The following CREBRF variants were observed in gnomAD, a reference collection of about 807,000 sequenced individuals.
CREBRF encodes UPF0474 protein C5orf41.
In CREBRF, 5 loss-of-function variants were observed where a neutral mutation model predicts 66.1. The ratio of observed to expected loss-of-function variants is 0.08; its 90% CI spans 0.04 to 0.16. The LOEUF (loss-of-function observed/expected upper bound fraction) is 0.16. Ranked by LOEUF, CREBRF falls within the 10% of genes least tolerant of loss-of-function variation. CREBRF has a pLI of 1.00. For synonymous variants in CREBRF, 229 were observed against 264.4 expected, an observed-to-expected ratio of 0.87 and a Z score of 1.30; for missense variants, 531 against 744.9, an observed-to-expected ratio of 0.71 and a Z score of 3.34.
intron 1 of CREBRF, among the ~76,000 whole-genome samples, chr5:173,079,527 A>G (rs1014943922): frequency 2.6e-5 from 4 of 152,130 alleles, no homozygotes; most frequent in Non-Finnish European, 5.9e-5. Flanking sequence ...TAGCCCAGAC[A>G]ATGTGCTGAC....
In CREBRF at chr5:173,123,209, A is replaced by C. The variant is rs1252247810; in HGVS notation, c.1804+7A>C. On this transcript the variant is annotated splice_region_variant and intron_variant, in intron 8 of 8. Transcript: ENST00000296953. ...CTCATTAAAGATACTCTCGGTAAGA[A>C]GAATGCGAGATAAATTCATAACAAT... 1.3e-6 allele frequency: 2 copies of C among 1,594,516 alleles called. No homozygotes were observed. Among genetic ancestry groups the C allele is most frequent in the Non-Finnish European group, 1.7e-6 (2 of 1,174,888 alleles).
At chr5:173,060,197 T>G (rs777349170) in intron 1 of CREBRF, 20 of 151,134 alleles carry the variant, frequency 1.3e-4, no homozygotes, top group Non-Finnish European at 2.4e-4. Flanking sequence ...GATCGGCATC[T>G]ATATATTTAT....
rs147330284 is a variant in CREBRF, at chr5:173,080,825, A to G, written c.9+41A>G. On this transcript the variant is annotated intron_variant, in intron 2 of 8. Transcript: ENST00000296953. ...TAGGTGCAAAGTTTTTTATTTTCCC[A>G]CTACAGAAAGTCAATACCTTTGACT... 1.1e-4 allele frequency: 170 copies of G among 1,601,844 alleles called. 1 individual carries two copies. The highest frequency in any genetic ancestry group is 6.8e-5 in the Non-Finnish European group (80 of 1,170,512).
chr5:173,123,881 G>A (rs1326698437), intron 8 of CREBRF: 1 of 152,094 alleles, frequency 6.6e-6, no homozygotes, highest in Admixed American at 6.5e-5. Flanking sequence ...GACCCTAATC[G>A]CCAGTATTTT....
intron 2 of CREBRF, chr5:173,085,253 T>G (rs1758110051): frequency 9.9e-6 from 5 of 505,350 alleles, no homozygotes; most frequent in Admixed American, 7.3e-5. Flanking sequence ...TGAATTTTAA[T>G]TTTTAATCTT....
chr5:173,122,335 A>T (rs943294861), intron 7 of CREBRF, among the ~76,000 whole-genome samples: 1 of 152,146 alleles, frequency 6.6e-6, no homozygotes, highest in Admixed American at 6.5e-5. Flanking sequence ...TCCTGACCTC[A>T]TGCAGTCCAC....
Position 173,138,272 on chromosome 5 carries a change from A to G in CREBRF, c.*4527A>G, listed in dbSNP as rs1334747085. On this transcript the variant is annotated 3_prime_UTR_variant, in exon 9 of 9. Transcript: ENST00000296953. ...CATTGGGATGTAACAATGAATGTCAACTGTAGGAATGGTGGTTTCGTTTTA... is the reference window on the plus strand; with the variant it reads ...CATTGGGATGTAACAATGAATGTCAGCTGTAGGAATGGTGGTTTCGTTTTA... 6.6e-6 allele frequency: 1 copy of G among 152,196 alleles called. No individual in the cohort carries two copies. The allele number at this position is 152,196 out of a possible 1,614,324, so 9.4% of individuals were successfully genotyped here. A position where few individuals can be genotyped will look rare whatever the true frequency, so the allele number is the denominator to read the frequency against.
At position 173,098,273 on chromosome 5, in the gene CREBRF, C is replaced by T. The variant is rs140728842; in HGVS notation, c.1222+6872C>T. ...CGCAATCTCTGCTCACTGCAAGCTC[C>T]GCCTCCCGGGTTCAGCCATTCTCCT... On this transcript the variant is annotated intron_variant, in intron 4 of 8. Coordinates refer to ENST00000296953, the MANE Select transcript of CREBRF (RefSeq NM_153607.3). Among the ~76,000 whole-genome samples, 39 of 151,848 alleles carry T rather than the reference C, an allele frequency of 2.6e-4. 1 individual carries two copies. The East Asian group carries it at 7.2e-3, about 28-fold the overall frequency.
At chr5:173,084,577 A>G (rs1400268132) in intron 2 of CREBRF, among the ~76,000 whole-genome samples, 3 of 152,228 alleles carry the variant, frequency 2.0e-5, no homozygotes, top group Admixed American at 2.0e-4. Context: ...TGTCCCACAC[A>G]AGTGCATGTG....
At chr5:173,125,596 G>A (rs1759250506) in intron 8 of CREBRF, among the ~76,000 whole-genome samples, 2 of 152,190 alleles carry the variant, frequency 1.3e-5, no homozygotes, top group Non-Finnish European at 2.9e-5. Flanking sequence ...CGGGCACGGT[G>A]GCTCACGCCT....
At chr5:173,099,858 T>C (rs915016668) in intron 4 of CREBRF, among the ~76,000 whole-genome samples, 2 of 151,660 alleles carry the variant, frequency 1.3e-5, no homozygotes, top group African/African-American at 2.4e-5. Flanking sequence ...TCTTTTCATA[T>C]TGTGTATCCC....
At chr5:173,066,553 A>G (rs1757441837) in intron 1 of CREBRF, among the ~76,000 whole-genome samples, 1 of 152,182 alleles carries the variant, frequency 6.6e-6, no homozygotes, top group South Asian at 2.1e-4. Flanking sequence ...AGTTTTGACA[A>G]ACACATGCTG....
At position 173,086,526 on chromosome 5, in the gene CREBRF, C is replaced by T; in HGVS notation, c.35C>T (p.Pro12Leu). 3.1e-6 allele frequency: 5 copies of T among 1,614,004 alleles called. No individual in the cohort carries two copies. Among genetic ancestry groups the T allele is most frequent in the Non-Finnish European group, 4.2e-6 (5 of 1,179,954 alleles). ...PQPSVSGMDP[P>L]FGDAFRSHTF... ...CCTAGTGTAAGCGGAATGGATCCGC[C>T]TTTCGGGGATGCCTTTCGAAGCCAC... Residue 12 changes from proline to leucine, a missense_variant, in exon 3 of 9, where the codon CCT (proline) becomes CTT (leucine). By Grantham distance (98) the Pro-to-Leu change is moderately conservative. Around this residue, in one of 5 missense-constraint regions of CREBRF, gnomAD observed 133 missense variants for 215.6 expected, o/e 0.62. Coordinates refer to ENST00000296953, the MANE Select transcript of CREBRF (RefSeq NM_153607.3).
intron 1 of CREBRF, among the ~76,000 whole-genome samples, chr5:173,066,795 A>G (rs897813835): frequency 2.3e-5 from 3 of 129,470 alleles, no homozygotes; most frequent in Non-Finnish European, 4.9e-5. Flanking sequence ...ATTGTGTCGT[A>G]TATTCATTGA....
intron 2 of CREBRF, among the ~76,000 whole-genome samples, chr5:173,082,012 T>TTGTTTTTTTTTTTTTGTTTG (rs1561798843): frequency 1.2e-4 from 15 of 122,150 alleles, no homozygotes; most frequent in Non-Finnish European, 2.1e-4. Context: ...AGTTTTTTTT[T>TTGTTTTTTTTTTTTTGTTTG]TTTTTTTTTT....
intron 1 of CREBRF, among the ~76,000 whole-genome samples, chr5:173,075,039 TAA>T (rs1757719105): frequency 6.6e-6 from 1 of 152,234 alleles, no homozygotes; most frequent in Non-Finnish European, 1.5e-5. Flanking sequence ...AAGGTCATTA[TAA>T]GTACTGCTTT....
rs192379379 is a variant in CREBRF at position 173,088,729 on chromosome 5, A to T, written c.136-1586A>T. On this transcript the variant is annotated intron_variant, in intron 3 of 8. Coordinates refer to ENST00000296953, the MANE Select transcript of CREBRF (RefSeq NM_153607.3). ...TTCAGAAGAAAAACATTTTAAAAAC[A>T]GTTTTAATTACATAAAATTGAAATA... Among the ~76,000 whole-genome samples the T allele has an allele frequency of 2.5e-3, 380 of 152,288 alleles. 3 individuals carry two copies. The highest frequency in any genetic ancestry group is 9.0e-3 in the African/African-American group (375 of 41,556).
rs759748161 is a variant in CREBRF, at chr5:173,090,747, A to T, written c.568A>T (p.Thr190Ser). ...RAAAPVCSSK[T>S]LQAEVPLSDC... ...AGCTGCTCCTGTGTGTTCTTCTAAG[A>T]CTCTGCAGGCTGAGGTCCCTTTGTC... Residue 190 changes from threonine to serine, a missense_variant, in exon 4 of 9, where the codon ACT becomes TCT. Physicochemically the swap from Thr to Ser is moderately conservative, Grantham distance 58 (BLOSUM62 1). This residue lies in a region of CREBRF where 309 missense variants were observed against 341.4 expected (regional missense o/e 0.90). Coordinates refer to ENST00000296953, the MANE Select transcript of CREBRF (RefSeq NM_153607.3). The surrounding 1 kb of genome is among the most constrained non-coding windows in gnomAD (Gnocchi z 4.5). 6.8e-6 allele frequency: 11 copies of T among 1,613,936 alleles called. No individual in the cohort carries two copies. In the South Asian group the frequency reaches 1.2e-4, roughly 18 times the overall value.
chr5:173,064,387 T>TTTG (rs577105870), intron 1 of CREBRF, among the ~76,000 whole-genome samples: 1 of 152,062 alleles, frequency 6.6e-6, no homozygotes, highest in Non-Finnish European at 1.5e-5. Flanking sequence ...TCATGCAGTT[T>TTTG]TTGTTGTTGT....
Sources: allele counts gnomAD v4.1 joint callset (sites outside exome capture counted in the v4.1 genomes callset), GRCh38; gene constraint gnomAD v4.1.1; regional missense constraint gnomAD v4.1.1; non-coding constraint Gnocchi (gnomAD v3.1); transcripts MANE v1.5; gene names NCBI Gene and HGNC (gene_info 2026-07-23, HGNC 2026-07-21).